The following DPYD variants were observed in gnomAD, a reference collection of about 807,000 sequenced individuals.
DPYD encodes dihydropyrimidine dehydrogenase, also known as dihydropyrimidine dehydrogenase [NADP(+)].
DPYD carries 109 observed loss-of-function variants against 116.2 expected under a neutral mutation model. The observed-to-expected ratio is 0.94, with a 90% CI of 0.80 to 1.10. DPYD has a LOEUF of 1.10. Ranked by LOEUF, DPYD falls within the 50% of genes least tolerant of loss-of-function variation. The pLI, the probability that DPYD is intolerant of heterozygous loss-of-function variation, is 0.00. For missense variants in DPYD, 1,302 were observed against 1,254.5 expected (o/e 1.04, Z -0.57); for synonymous variants, 440 against 432.0 (o/e 1.02, Z -0.23).
At chr1:97,370,340 C>T (rs1052712740) in intron 16 of DPYD, among the ~76,000 whole-genome samples, 11 of 152,144 alleles carry the variant, frequency 7.2e-5, no homozygotes, top group African/African-American at 2.7e-4. Flanking sequence ...ACCACATTCT[C>T]ACTCATAAAT....
At chr1:97,835,392 T>G (rs113811368) in intron 2 of DPYD, among the ~76,000 whole-genome samples, 7,249 of 152,202 alleles carry the variant, frequency 0.048, 240 homozygotes, top group Non-Finnish European at 0.07. Context: ...CATTATTACA[T>G]ATTTTTAAAA....
intron 11 of DPYD, among the ~76,000 whole-genome samples, chr1:97,560,843 T>C (rs1204531264): frequency 6.6e-6 from 1 of 152,128 alleles, no homozygotes; most frequent in African/African-American, 2.4e-5. Flanking sequence ...TTTGATGAGA[T>C]GCCATCAGAG....
chr1:97,401,191 GTTCT>G (rs1452464057), intron 14 of DPYD, among the ~76,000 whole-genome samples: 8 of 152,208 alleles, frequency 5.3e-5, no homozygotes, highest in African/African-American at 1.9e-4. Flanking sequence ...AGTTTTAAGT[GTTCT>G]TTGTGTATTT....
At position 97,549,685 on chromosome 1, in the gene DPYD, C is replaced by A; in HGVS notation, c.1399G>T (p.Glu467Ter). Reference sequence around the variant, plus strand: ...CATGCTTCACTAGTTTGCATAGTTTCTGGATCTACTTCTGGGAGACCCCAT... The same window carrying A: ...CATGCTTCACTAGTTTGCATAGTTTATGGATCTACTTCTGGGAGACCCCAT... ...NRWGLPEVDPETMQTSEAWVF... is the reference protein window; with the variant it reads ...NRWGLPEVDP Residue 467 changes from glutamate to a stop codon, truncating the protein, a stop_gained, in exon 12 of 23, where the codon GAA becomes TAA. Transcript: ENST00000370192. LOFTEE classifies it high-confidence loss of function. 1 of 1,613,854 alleles carries A rather than the reference C, an allele frequency of 6.2e-7. No individual in the cohort carries two copies. The highest frequency in any genetic ancestry group is 8.5e-7 in the Non-Finnish European group (1 of 1,179,872).
chr1:97,655,952 T>C (rs546819074), intron 8 of DPYD, among the ~76,000 whole-genome samples: 13 of 152,336 alleles, frequency 8.5e-5, no homozygotes, highest in Non-Finnish European at 1.5e-4. Context: ...TTTTACTTTT[T>C]AATAATATAA....
chr1:97,505,396 C>T (rs1412936276), intron 13 of DPYD, among the ~76,000 whole-genome samples: 1 of 151,602 alleles, frequency 6.6e-6, no homozygotes, highest in East Asian at 1.9e-4. Context: ...CCGTGACTAT[C>T]CGTGTGCTAT....
At chr1:97,266,308 G>T (rs1317777215) in intron 18 of DPYD, among the ~76,000 whole-genome samples, 1 of 152,122 alleles carries the variant, frequency 6.6e-6, no homozygotes, top group African/African-American at 2.4e-5. Flanking sequence ...GCACATTAGT[G>T]TTCAGAATGC....
intron 16 of DPYD, among the ~76,000 whole-genome samples, chr1:97,360,251 C>G (rs974919507): frequency 6.6e-6 from 1 of 152,136 alleles, no homozygotes; most frequent in African/African-American, 2.4e-5. Context: ...AGCTAACTAA[C>G]CTAAATAAAT....
intron 13 of DPYD, among the ~76,000 whole-genome samples, chr1:97,468,165 T>G (rs943007916): frequency 6.6e-6 from 1 of 152,234 alleles, no homozygotes; most frequent in African/African-American, 2.4e-5. Flanking sequence ...AAAATTTGAC[T>G]TCCATATGTA....
At chr1:97,229,546 G>GTATATATATA (rs55638142) in intron 19 of DPYD, among the ~76,000 whole-genome samples, 18 of 58,152 alleles carry the variant, frequency 3.1e-4, no homozygotes, top group Non-Finnish European at 4.7e-4. Context: ...ACCATCCTAA[G>GTATATATATA]TATATATATA....
chr1:97,454,295 T>C (rs927022540), intron 13 of DPYD, among the ~76,000 whole-genome samples: 3 of 151,810 alleles, frequency 2.0e-5, no homozygotes, highest in African/African-American at 7.2e-5. Flanking sequence ...ATAACTAGAG[T>C]TAGAGTTTAA....
chr1:97,501,486 G>T (rs1679578590), intron 13 of DPYD, among the ~76,000 whole-genome samples: 1 of 151,960 alleles, frequency 6.6e-6, no homozygotes, highest in South Asian at 2.1e-4. Context: ...AGGATCACTT[G>T]AGCCCAGAAG....
intron 13 of DPYD, among the ~76,000 whole-genome samples, chr1:97,506,621 C>T (rs377617317): frequency 4.6e-5 from 7 of 151,900 alleles, no homozygotes; most frequent in African/African-American, 1.4e-4. Context: ...AAATTGTACA[C>T]GTCAATTTAT....
chr1:97,242,776 C>T (rs938270187), intron 18 of DPYD, among the ~76,000 whole-genome samples: 4 of 151,702 alleles, frequency 2.6e-5, no homozygotes, highest in African/African-American at 9.7e-5. Flanking sequence ...TTACAAAGAA[C>T]ATGTTTGGTT....
intron 13 of DPYD, among the ~76,000 whole-genome samples, chr1:97,494,633 C>T (rs984562083): frequency 6.6e-6 from 1 of 151,976 alleles, no homozygotes; most frequent in East Asian, 1.9e-4. Flanking sequence ...GTCCCAGCTG[C>T]TCAGGAGGCT....
intron 4 of DPYD, among the ~76,000 whole-genome samples, chr1:97,736,801 C>A (rs1663968705): frequency 6.6e-6 from 1 of 151,320 alleles, no homozygotes; most frequent in African/African-American, 2.4e-5. Context: ...GGCTTGTGTA[C>A]CCTCTAGGAA....
At chr1:97,300,814 A>G (rs1336376196) in intron 18 of DPYD, among the ~76,000 whole-genome samples, 1 of 152,078 alleles carries the variant, frequency 6.6e-6, no homozygotes, top group Non-Finnish European at 1.5e-5. Flanking sequence ...AAAAACACAT[A>G]AACTATGCGA....
At position 97,537,122 on chromosome 1, in the gene DPYD, C is replaced by A. The variant is rs115358442; in HGVS notation, c.1524+12438G>T. Among the ~76,000 whole-genome samples the A allele has an allele frequency of 7.3e-3, 1,105 of 152,286 alleles. 12 individuals carry two copies. The highest frequency in any genetic ancestry group is 0.025 in the African/African-American group (1,030 of 41,556). On this transcript the variant is annotated intron_variant, in intron 12 of 22. Coordinates refer to ENST00000370192, the MANE Select transcript of DPYD (RefSeq NM_000110.4). ...CTGAAGGTCTTCTAAGTAACAGGGA[C>A]TTCAACACAGAGAAGTTCTTGTAAG...
intron 1 of DPYD, among the ~76,000 whole-genome samples, chr1:97,896,116 T>A (rs1477147525): frequency 6.6e-6 from 1 of 151,722 alleles, no homozygotes; most frequent in Non-Finnish European, 1.5e-5. Context: ...TATATTAGAG[T>A]TGGAATGGAC....
Sources: allele counts gnomAD v4.1 joint callset (sites outside exome capture counted in the v4.1 genomes callset), GRCh38; gene constraint gnomAD v4.1.1; transcripts MANE v1.5; gene names NCBI Gene and HGNC (gene_info 2026-07-23, HGNC 2026-07-21).